PRKG1: variants seen among roughly 807,000 people sequenced by gnomAD.
PRKG1 encodes the protein cGMP-dependent protein kinase 1.
A neutral mutation model predicts 88.1 loss-of-function variants in PRKG1; 35 were observed. The observed-to-expected ratio is 0.40, with a 90% CI of 0.30 to 0.53. The LOEUF (loss-of-function observed/expected upper bound fraction) is 0.53, where lower values mean the gene tolerates loss of function less well. Among genes scored for constraint, PRKG1 ranks in the 20% least tolerant of loss-of-function variants. The pLI is 0.59. For missense variants in PRKG1, 540 were observed against 839.8 expected, an observed-to-expected ratio of 0.64 and a Z score of 4.41; for synonymous variants, 303 against 292.5, an observed-to-expected ratio of 1.04 and a Z score of -0.37.
chr10:51,244,896 A>G (rs1379790484), intron 2 of PRKG1: 1 of 151,234 alleles, frequency 6.6e-6, no homozygotes, highest in Non-Finnish European at 1.5e-5. Context: ...CAAACTTCAC[A>G]GTGGAAGCGT....
At chr10:51,532,852 T>C (rs1188941298) in intron 3 of PRKG1, among the ~76,000 whole-genome samples, 2 of 152,312 alleles carry the variant, frequency 1.3e-5, no homozygotes, top group East Asian at 3.9e-4. Context: ...CTTCTCCCTC[T>C]TTCCCCTCTC....
At chr10:51,524,864 C>T (rs750949787) in intron 3 of PRKG1, among the ~76,000 whole-genome samples, 9 of 152,128 alleles carry the variant, frequency 5.9e-5, no homozygotes, top group South Asian at 2.1e-4. Flanking sequence ...AAAAGCTGCT[C>T]GTTATTTTTC....
At chr10:51,409,108 C>G (rs1481386688) in intron 2 of PRKG1, among the ~76,000 whole-genome samples, 1 of 152,214 alleles carries the variant, frequency 6.6e-6, no homozygotes, top group Admixed American at 6.5e-5. Context: ...GTTCTGCCCA[C>G]TGGGAAGATT....
chr10:51,887,385 A>G (rs898066547), intron 4 of PRKG1, among the ~76,000 whole-genome samples: 1 of 152,226 alleles, frequency 6.6e-6, no homozygotes, highest in Non-Finnish European at 1.5e-5. Flanking sequence ...AGGAAGGTGC[A>G]GATATCTTTT....
chr10:51,436,478 C>T (rs939265523), intron 2 of PRKG1, among the ~76,000 whole-genome samples: 1 of 151,646 alleles, frequency 6.6e-6, no homozygotes, highest in Non-Finnish European at 1.5e-5. Context: ...TTCCTCCTTC[C>T]CAAGGTGCCT....
At chr10:51,720,410 A>G (rs2132449626) in intron 3 of PRKG1, among the ~76,000 whole-genome samples, 1 of 152,348 alleles carries the variant, frequency 6.6e-6, no homozygotes, top group Middle Eastern at 3.4e-3. Context: ...TTGCTAGTTA[A>G]TAACAATAAT....
chr10:51,071,604 G>A (rs570433117), upstream of PRKG1, among the ~76,000 whole-genome samples: 5 of 152,306 alleles, frequency 3.3e-5, no homozygotes, highest in South Asian at 1.0e-3. Context: ...AAAATGTAAT[G>A]TGTATACATC....
At chr10:52,232,456 T>G (rs930875757) in intron 9 of PRKG1, among the ~76,000 whole-genome samples, 5 of 152,238 alleles carry the variant, frequency 3.3e-5, no homozygotes, top group South Asian at 2.1e-4. Context: ...TTTTGTATTA[T>G]GTATCTTAAG....
chr10:51,629,324 G>C (rs928327789), intron 3 of PRKG1, among the ~76,000 whole-genome samples: 1 of 152,012 alleles, frequency 6.6e-6, no homozygotes, highest in African/African-American at 2.4e-5. Context: ...GATGATTCAA[G>C]GGCATTACAT....
chr10:52,152,904 T>C (rs1007753373), intron 8 of PRKG1, among the ~76,000 whole-genome samples: 31 of 152,108 alleles, frequency 2.0e-4, no homozygotes, highest in African/African-American at 7.5e-4. Context: ...CAGCAAATGT[T>C]TTTGGAAAGG....
At chr10:51,790,129 A>G (rs531153984) in intron 3 of PRKG1, among the ~76,000 whole-genome samples, 14 of 152,116 alleles carry the variant, frequency 9.2e-5, no homozygotes, top group Non-Finnish European at 1.8e-4. Context: ...AGCCTCAGTC[A>G]TTCTTTAATT....
chr10:51,324,954 A>G (rs1468598144), intron 2 of PRKG1, among the ~76,000 whole-genome samples: 1 of 152,190 alleles, frequency 6.6e-6, no homozygotes, highest in Non-Finnish European at 1.5e-5. Context: ...AGGAATCGCC[A>G]TAATGTTTTC....
intron 2 of PRKG1, among the ~76,000 whole-genome samples, chr10:51,164,940 A>G (rs1489352235): frequency 1.3e-5 from 2 of 152,222 alleles, no homozygotes; most frequent in Non-Finnish European, 2.9e-5. Flanking sequence ...CCTGAAATTG[A>G]CGGGGAAAAT....
chr10:51,043,684 CA>C (rs2132760980), intron 1 of PRKG1, among the ~76,000 whole-genome samples: 1 of 152,252 alleles, frequency 6.6e-6, no homozygotes, highest in East Asian at 1.9e-4. Flanking sequence ...TCCACAAGAA[CA>C]GGTCAATATC....
intron 2 of PRKG1, among the ~76,000 whole-genome samples, chr10:51,282,418 G>T (rs1032050983): frequency 3.3e-5 from 5 of 152,132 alleles, no homozygotes; most frequent in Admixed American, 2.0e-4. Flanking sequence ...TGAAGTCTCA[G>T]GAGTAAGCAA....
intron 5 of PRKG1, among the ~76,000 whole-genome samples, chr10:51,912,390 C>A (rs575991561): frequency 6.6e-6 from 1 of 152,124 alleles, no homozygotes; most frequent in Admixed American, 6.5e-5. Context: ...GTTTTAATAA[C>A]ATCTCTCTGA....
chr10:51,114,672 T>C (rs1333462511), intron 1 of PRKG1, among the ~76,000 whole-genome samples: 1 of 152,176 alleles, frequency 6.6e-6, no homozygotes, highest in East Asian at 1.9e-4. Flanking sequence ...TAGAAAATGT[T>C]TTGATTTTCC....
At chr10:51,562,922 C>G (rs61849852) in intron 3 of PRKG1, among the ~76,000 whole-genome samples, 8,364 of 149,852 alleles carry the variant, frequency 0.056, 350 homozygotes, top group Middle Eastern at 0.086. Context: ...GTGCATGCCA[C>G]CATGCCCAGC....
chr10:51,414,952 G>T (rs537291639), intron 2 of PRKG1, among the ~76,000 whole-genome samples: 3 of 152,238 alleles, frequency 2.0e-5, no homozygotes, highest in East Asian at 1.9e-4. Flanking sequence ...ATGAATAATG[G>T]CTAATATTCT....
Sources: allele counts gnomAD v4.1 joint callset (sites outside exome capture counted in the v4.1 genomes callset), GRCh38; gene constraint gnomAD v4.1.1; transcripts MANE v1.5; gene names NCBI Gene and HGNC (gene_info 2026-07-23, HGNC 2026-07-21).